Variants in HMCN1 observed in about 807,000 individuals in gnomAD.
The protein encoded by HMCN1 is hemicentin-1.
A neutral mutation model predicts 625.9 loss-of-function variants in HMCN1; 321 were observed. The ratio of observed to expected loss-of-function variants is 0.51; its 90% CI spans 0.47 to 0.56. The LOEUF is 0.56. Among genes scored for constraint, HMCN1 ranks in the 20% least tolerant of loss-of-function variants. HMCN1 has a pLI of 0.00. For missense variants in HMCN1, 6,588 were observed against 6,887.3 expected (o/e 0.96, Z 1.54); for synonymous variants, 2,425 against 2,417.6 (o/e 1.00, Z -0.09).
intron 1 of HMCN1, among the ~76,000 whole-genome samples, chr1:185,751,814 A>G (rs1654833959): frequency 2.0e-5 from 3 of 151,696 alleles, no homozygotes; most frequent in Admixed American, 2.0e-4. Context: ...GTTTTTTTTC[A>G]GAAGTTTCAT....
chr1:185,837,962 C>T (rs114132559), intron 1 of HMCN1, among the ~76,000 whole-genome samples: 2,630 of 152,282 alleles, frequency 0.017, 85 homozygotes, highest in African/African-American at 0.058. Context: ...TAGTAAAACT[C>T]TTGCTAGTAA....
intron 42 of HMCN1, among the ~76,000 whole-genome samples, 181 bp from the exon 43 acceptor site, chr1:186,052,771 G>A (rs186581590): frequency 6.6e-6 from 1 of 152,038 alleles, no homozygotes; most frequent in Non-Finnish European, 1.5e-5. Context: ...TACATGGGAA[G>A]TCTGCTATTA....
rs188313564 is a variant in HMCN1, at chr1:186,068,739, C to G, written c.7879+732C>G. On this transcript the variant is annotated intron_variant, in intron 50 of 106. Transcript: ENST00000271588. ...AAAAAATTAGCTGGGCGTGGTGGCA[C>G]ATGCCTGTAGTCCCAGCTACTCGGG... 1.7e-4 allele frequency among the ~76,000 whole-genome samples: 26 copies of G among 151,972 alleles called. No homozygotes were observed. The East Asian group carries it at 4.1e-3, about 24-fold the overall frequency.
chr1:186,035,614 TAATC>T (rs1655769250), intron 36 of HMCN1, among the ~76,000 whole-genome samples: 1 of 152,164 alleles, frequency 6.6e-6, no homozygotes, highest in Non-Finnish European at 1.5e-5. Flanking sequence ...GTTTTAATAT[TAATC>T]AATTTCACTT....
At chr1:186,023,240 A>G in intron 36 of HMCN1, 87 bp downstream of exon 36, 1 of 1,212,868 alleles carries the variant, frequency 8.2e-7, no homozygotes. Flanking sequence ...ATTACAGTAT[A>G]AAAGAAACAG....
At chr1:185,906,465 T>C (rs1253185340) in intron 4 of HMCN1, among the ~76,000 whole-genome samples, 1 of 151,838 alleles carries the variant, frequency 6.6e-6, no homozygotes, top group African/African-American at 2.4e-5. Flanking sequence ...ACACACTTGC[T>C]TCACAAAAAT....
chr1:186,122,980 G>A lies in HMCN1; in HGVS notation c.12259G>A (p.Glu4087Lys). 6.2e-7 allele frequency: 1 copy of A among 1,613,990 alleles called. No individual in the cohort carries two copies. Among genetic ancestry groups the A allele is most frequent in the Non-Finnish European group, 8.5e-7 (1 of 1,179,984 alleles). The change falls in exon 81 of 107, where the codon GAA (glutamate) becomes AAA (lysine). Residue 4087 changes from glutamate (E) to lysine (K), a missense_variant. By Grantham distance (56) the Glu-to-Lys change is moderately conservative (BLOSUM62 1). Transcript: ENST00000271588. The part of the protein sequence containing the change: ...VPPVISPHLK[E>K]YVIAVDKPIT... ...TCCAGTCATTAGCCCTCATCTAAAGGAATATGTTATTGCTGTGGACAAGCC... is the reference window on the plus strand; with the variant it reads ...TCCAGTCATTAGCCCTCATCTAAAGAAATATGTTATTGCTGTGGACAAGCC...
At chr1:186,082,479 C>T (rs577164109) in intron 56 of HMCN1, among the ~76,000 whole-genome samples, 21 of 152,242 alleles carry the variant, frequency 1.4e-4, no homozygotes, top group Admixed American at 4.6e-4. Context: ...GAACAGGCTT[C>T]AGTTTTGAAA....
intron 36 of HMCN1, among the ~76,000 whole-genome samples, chr1:186,036,583 C>T (rs1322225539): frequency 6.6e-6 from 1 of 151,852 alleles, no homozygotes; most frequent in African/African-American, 2.4e-5. Context: ...ATCACCCATA[C>T]AAGTATTTTT....
At chr1:185,927,627 G>A (rs1425494842) in intron 9 of HMCN1, among the ~76,000 whole-genome samples, 1 of 152,102 alleles carries the variant, frequency 6.6e-6, no homozygotes, top group Non-Finnish European at 1.5e-5. Context: ...TGGATGGGGA[G>A]CGATCTAGAG....
In HMCN1 at chr1:186,038,950, C is replaced by T. The variant is rs751057536; in HGVS notation, c.5973C>T (p.Cys1991=). The change falls in exon 38 of 107, where the codon TGC becomes TGT. Residue 1991 remains cysteine, a synonymous_variant. Coordinates refer to ENST00000271588, the MANE Select transcript of HMCN1 (RefSeq NM_031935.3). ...AQISDAGIYK[C]VAINSAGATE... ...TCTCAGATGCTGGCATATATAAATG[C>T]GTGGCCATCAACTCAGCTGGAGCTA... 9.9e-6 allele frequency: 16 copies of T among 1,612,112 alleles called. No homozygotes were observed. The highest frequency in any genetic ancestry group is 5.3e-5 in the African/African-American group (4 of 74,800).
chr1:186,032,952 A>T (rs1169014932), intron 36 of HMCN1, among the ~76,000 whole-genome samples: 1 of 152,144 alleles, frequency 6.6e-6, no homozygotes, highest in East Asian at 1.9e-4. Flanking sequence ...TATGAAAAAG[A>T]CACATGCACA....
intron 15 of HMCN1, among the ~76,000 whole-genome samples, 158 bp from the exon 16 acceptor site, chr1:185,977,629 T>C (rs538876808): frequency 5.3e-5 from 8 of 152,264 alleles, no homozygotes; most frequent in African/African-American, 1.9e-4. Flanking sequence ...AAACACCCAC[T>C]GTTTTTACCT....
chr1:185,883,003 C>T (rs992569086), intron 4 of HMCN1, among the ~76,000 whole-genome samples: 1 of 151,994 alleles, frequency 6.6e-6, no homozygotes, highest in Admixed American at 6.6e-5. Context: ...AGATTGTGAG[C>T]TCCTAAGGGC....
chr1:185,904,817 G>A (rs776694343), intron 4 of HMCN1, among the ~76,000 whole-genome samples: 1 of 151,772 alleles, frequency 6.6e-6, no homozygotes, highest in East Asian at 1.9e-4. Flanking sequence ...CTGTATGCTT[G>A]CAGGTGTTAG....
rs1199718351 is a variant in HMCN1, at chr1:185,945,982, GGAT to G, written c.1828+12161_1828+12163del. 2.6e-5 allele frequency among the ~76,000 whole-genome samples: 4 copies of G among 152,138 alleles called. No individual in the cohort carries two copies. In the South Asian group the frequency reaches 6.2e-4, roughly 24 times the overall value. ...AGTTATGCTCTGGGAGATTTAGGCTGGATGAAAAAGGAAGAAAAGGCTAAAAGC... is the reference window on the plus strand; with the variant it reads ...AGTTATGCTCTGGGAGATTTAGGCTGGAAAAAGGAAGAAAAGGCTAAAAGC... On this transcript the variant is annotated intron_variant, in intron 11 of 106. Transcript: ENST00000271588.
At chr1:185,934,369 C>T (rs996640077) in intron 11 of HMCN1, among the ~76,000 whole-genome samples, 2 of 152,052 alleles carry the variant, frequency 1.3e-5, no homozygotes, top group Admixed American at 1.3e-4. Flanking sequence ...CATACACACG[C>T]GAGTGCCTGT....
chr1:186,005,387 T>G (rs1186496116), intron 29 of HMCN1, among the ~76,000 whole-genome samples: 1 of 148,740 alleles, frequency 6.7e-6, no homozygotes, highest in African/African-American at 2.5e-5. Flanking sequence ...TAAATGTTTA[T>G]AAACAAGTTT....
chr1:185,844,369 AT>A (rs1394828332), intron 1 of HMCN1, among the ~76,000 whole-genome samples: 2 of 152,116 alleles, frequency 1.3e-5, no homozygotes, highest in East Asian at 3.9e-4. Flanking sequence ...GGATTGAGGC[AT>A]TTTTTCCTGT....
Sources: allele counts gnomAD v4.1 joint callset (sites outside exome capture counted in the v4.1 genomes callset), GRCh38; gene constraint gnomAD v4.1.1; transcripts MANE v1.5; gene names NCBI Gene and HGNC (gene_info 2026-07-23, HGNC 2026-07-21).